BMP1: variants seen among roughly 807,000 people sequenced by gnomAD.
BMP1 encodes mammalian tolloid protein.
A neutral mutation model predicts 116.8 loss-of-function variants in BMP1; 63 were observed. The ratio of observed to expected loss-of-function variants is 0.54; its 90% CI spans 0.44 to 0.67. The LOEUF is 0.67. Ranked by LOEUF, BMP1 falls within the 30% of genes least tolerant of loss-of-function variation. BMP1 has a pLI of 0.00. For missense variants in BMP1, 1,183 were observed against 1,358.9 expected, an observed-to-expected ratio of 0.87 and a Z score of 2.04; for synonymous variants, 536 against 533.4, an observed-to-expected ratio of 1.00 and a Z score of -0.07.
rs1460914500 is a variant in BMP1, at chr8:22,192,107, A to C, written c.1136A>C (p.Tyr379Ser). 6.2e-7 allele frequency: 1 copy of C among 1,613,868 alleles called. No homozygotes were observed. Among genetic ancestry groups the C allele is most frequent in the Admixed American group, 1.7e-5 (1 of 60,022 alleles). ...CGCAGCCGCCTGTGCTGGTACGACT[A>C]TGTGGAGGTCCGAGATGGCTTCTGG... is the stretch of plus-strand genomic sequence containing the variant. Reference protein sequence around the residue: ...LYRSRLCWYDYVEVRDGFWRK... With the variant: ...LYRSRLCWYDSVEVRDGFWRK... Residue 379 changes from tyrosine to serine, a missense_variant, in exon 9 of 20, where the codon TAT becomes TCT. Tyr to Ser is a moderately radical substitution (Grantham distance 144). Coordinates refer to ENST00000306385, the MANE Select transcript of BMP1 (RefSeq NM_006129.5).
At chr8:22,167,816 G>A (rs1828160898) in intron 1 of BMP1, among the ~76,000 whole-genome samples, 1 of 152,158 alleles carries the variant, frequency 6.6e-6, no homozygotes, top group South Asian at 2.1e-4. Flanking sequence ...CCCACCTCCA[G>A]AGGAAACTCA....
chr8:22,196,495 C>T, intron 13 of BMP1, 185 bp from the exon 14 acceptor site: 1 of 757,492 alleles, frequency 1.3e-6, no homozygotes, highest in Admixed American at 2.3e-5. Context: ...TACAGGCCCA[C>T]CCCTGAGGAC....
intron 17 of BMP1, 129 bp from the exon 18 acceptor site, chr8:22,207,174 C>A (rs1163046118): frequency 3.6e-6 from 5 of 1,371,028 alleles, no homozygotes; most frequent in South Asian, 1.3e-5. Context: ...CCTGGGCCCT[C>A]CTTCACTGTC....
rs567441758 is a variant in BMP1 at position 22,209,468 on chromosome 8, G to A, written c.2599G>A (p.Asp867Asn). The A allele has an allele frequency of 9.9e-6, 16 of 1,614,096 alleles. No individual in the cohort carries two copies. The highest frequency in any genetic ancestry group is 1.3e-5 in the African/African-American group (1 of 74,942). Residue 867 changes from aspartate (D) to asparagine (N), a missense_variant, in exon 19 of 20, where the codon GAC becomes AAC. Around this residue, in one of 4 missense-constraint regions of BMP1, gnomAD observed 956 missense variants for 1,135.2 expected, o/e 0.84. Transcript: ENST00000306385. Reference sequence around the variant, plus strand: ...AGAGTGCGGGGGCCAGGTACGGGCAGACGTGAAGACCAAGGACCTTTACTC... The same window carrying A: ...AGAGTGCGGGGGCCAGGTACGGGCAAACGTGAAGACCAAGGACCTTTACTC... ...ATECGGQVRADVKTKDLYSHA... is the reference protein window; with the variant it reads ...ATECGGQVRANVKTKDLYSHA...
chr8:22,192,707 A>G (rs1172169155), intron 9 of BMP1, among the ~76,000 whole-genome samples: 1 of 152,162 alleles, frequency 6.6e-6, no homozygotes, highest in Non-Finnish European at 1.5e-5. Context: ...GCAGGAGGTG[A>G]GTCAGTGGGA....
chr8:22,175,399 T>A (rs1828402737), intron 2 of BMP1, among the ~76,000 whole-genome samples: 2 of 152,238 alleles, frequency 1.3e-5, no homozygotes, highest in South Asian at 4.1e-4. Flanking sequence ...AGTACACCTT[T>A]GTTCTCTTTT....
At chr8:22,176,885 G>T in intron 4 of BMP1, 76 bp from the exon 5 acceptor site, 2 of 1,269,960 alleles carry the variant, frequency 1.6e-6, no homozygotes, top group Non-Finnish European at 2.2e-6. Context: ...CCCGCCCCCG[G>T]CAGCCTGGCC....
intron 8 of BMP1, among the ~76,000 whole-genome samples, chr8:22,187,460 A>G (rs139018681): frequency 6.9e-6 from 1 of 144,742 alleles, no homozygotes; most frequent in Non-Finnish European, 1.5e-5. Flanking sequence ...CCTCCTCAGT[A>G]GCTGGGACTA....
intron 5 of BMP1, 47 bp downstream of exon 5, chr8:22,177,186 C>A: frequency 6.6e-7 from 1 of 1,513,630 alleles, no homozygotes; most frequent in East Asian, 2.4e-5. Context: ...GCTCCCGCCC[C>A]AGCCCCCACC....
chr8:22,179,961 C>A lies in BMP1; in HGVS notation c.961+132C>A. On this transcript the variant is annotated intron_variant, in intron 7 of 19. Coordinates refer to ENST00000306385, the MANE Select transcript of BMP1 (RefSeq NM_006129.5). The surrounding 1 kb of genome is among the most constrained non-coding windows in gnomAD (Gnocchi z 4.6). Reference sequence around the variant, plus strand: ...AATGGTGTGGCGGGGGAGGGGACCCCATAGGAGGGGCAGTGTCCAAGTGAA... The same window carrying A: ...AATGGTGTGGCGGGGGAGGGGACCCAATAGGAGGGGCAGTGTCCAAGTGAA... 9.4e-7 allele frequency: 1 copy of A among 1,060,220 alleles called. No homozygotes were observed. Among genetic ancestry groups the A allele is most frequent in the Non-Finnish European group, 1.3e-6 (1 of 750,026 alleles). 65.7% of individuals were successfully genotyped at this position (1,060,220 alleles called of 1,614,324 possible).
chr8:22,209,593 C>G lies in BMP1; in HGVS notation c.2724C>G (p.Thr908=), dbSNP rs140092629. 2 of 1,614,094 alleles carry G rather than the reference C, an allele frequency of 1.2e-6. No individual in the cohort carries two copies. The highest frequency in any genetic ancestry group is 1.7e-5 in the Admixed American group (1 of 60,016). The stretch of plus-strand genomic sequence containing the variant: ...ACGGCGTGGAGCTCGTGTTCCAGAC[C>G]TTTGAGGTGGAGGAGGAGACCGACT... ...EGYGVELVFQ[T]FEVEEETDCG... is the part of the protein sequence containing the mutation. The change falls in exon 19 of 20, where the codon ACC becomes ACG. Residue 908 remains threonine, a synonymous_variant. Coordinates refer to ENST00000306385, the MANE Select transcript of BMP1 (RefSeq NM_006129.5).
At chr8:22,209,219 C>T (rs1022064255) in intron 18 of BMP1, among the ~76,000 whole-genome samples, 6 of 152,330 alleles carry the variant, frequency 3.9e-5, no homozygotes, top group Admixed American at 6.5e-5. Flanking sequence ...GTCTTCCTCT[C>T]GGTGAGCCTC....
chr8:22,204,009 TG>T (rs1362461470), intron 16 of BMP1, among the ~76,000 whole-genome samples: 3 of 152,136 alleles, frequency 2.0e-5, no homozygotes, highest in African/African-American at 7.2e-5. Flanking sequence ...CTTACTCAGG[TG>T]ATAGGTTAAT....
intron 1 of BMP1, among the ~76,000 whole-genome samples, chr8:22,165,882 C>CGTGCGTGTGTGTGTGTGT (rs1016666673): frequency 4.6e-5 from 6 of 131,418 alleles, no homozygotes; most frequent in East Asian, 2.6e-4. Context: ...CCTGTGCGTG[C>CGTGCGTGTGTGTGTGTGT]GTGTGTGTGT....
intron 1 of BMP1, among the ~76,000 whole-genome samples, chr8:22,173,399 C>T (rs887123841): frequency 3.9e-5 from 6 of 152,222 alleles, no homozygotes; most frequent in African/African-American, 1.4e-4. Flanking sequence ...GGGATTTTAA[C>T]TGAAAAGTAA....
intron 1 of BMP1, among the ~76,000 whole-genome samples, chr8:22,165,955 C>T (rs1261437954): frequency 1.3e-5 from 2 of 149,116 alleles, no homozygotes; most frequent in Admixed American, 1.3e-4. Context: ...ATCTCTCCTG[C>T]TCCAGGAGCT....
At chr8:22,166,843 G>A (rs905579060) in intron 1 of BMP1, among the ~76,000 whole-genome samples, 29 of 152,190 alleles carry the variant, frequency 1.9e-4, no homozygotes, top group African/African-American at 6.8e-4. Context: ...TTTCTCGCTG[G>A]GGGCTGGGAG....
chr8:22,211,983 T>G lies in BMP1; in HGVS notation c.*255T>G. The stretch of plus-strand genomic sequence containing the variant: ...TCCACAAGACATTTCGAAGTCATCA[T>G]TCCTCTCTTAGGGGGCCCTGCCTGG... On this transcript the variant is annotated 3_prime_UTR_variant, in exon 20 of 20. Coordinates refer to ENST00000306385, the MANE Select transcript of BMP1 (RefSeq NM_006129.5). 4 of 537,874 alleles carry G rather than the reference T, an allele frequency of 7.4e-6. No homozygotes were observed. The highest frequency in any genetic ancestry group is 3.3e-5 in the East Asian group (1 of 30,754). 33.3% of individuals were successfully genotyped at this position (537,874 alleles called of 1,614,324 possible).
chr8:22,178,046 G>T, intron 6 of BMP1, 89 bp downstream of exon 6: 1 of 1,122,198 alleles, frequency 8.9e-7, no homozygotes, highest in South Asian at 1.5e-5. Context: ...CCACTTCTGG[G>T]GCAGTGACCC....
Sources: gnomAD v4.1 joint callset for allele counts (sites outside exome capture counted in the v4.1 genomes callset) on GRCh38, gnomAD v4.1.1 for gene constraint, gnomAD v4.1.1 regional missense constraint, Gnocchi (gnomAD v3.1) non-coding constraint, MANE v1.5 for transcripts, NCBI Gene and HGNC (gene_info 2026-07-23, HGNC 2026-07-21) for gene names.